Variants in CLDN16 observed in about 807,000 individuals in gnomAD.
CLDN16 encodes the protein claudin 16, also known as claudin-16.
In CLDN16, 13 loss-of-function variants were observed where a neutral mutation model predicts 24.6. The observed-to-expected ratio is 0.53, with a 90% CI of 0.34 to 0.84. The LOEUF is 0.84. Among genes scored for constraint, CLDN16 ranks in the 40% least tolerant of loss-of-function variants. The pLI is 0.01. For missense variants in CLDN16, 298 were observed against 292.7 expected (o/e 1.02, Z -0.13); for synonymous variants, 116 against 106.7 (o/e 1.09, Z -0.54).
intron 1 of CLDN16, among the ~76,000 whole-genome samples, chr3:190,333,987 A>T (rs1466517262): frequency 6.6e-6 from 1 of 152,036 alleles, no homozygotes; most frequent in Non-Finnish European, 1.5e-5. Context: ...AAAATTTGAG[A>T]CAAGGAGGAG....
At chr3:190,312,305 T>C in the CLDN16 span, among the ~76,000 whole-genome samples, 3 of 41,248 alleles carry the variant, frequency 7.3e-5, no homozygotes, top group South Asian at 1.7e-3. Flanking sequence ...ATTTCTGTAT[T>C]TTTTTTTTCC....
intron 1 of CLDN16, among the ~76,000 whole-genome samples, chr3:190,329,186 G>A (rs968690438): frequency 6.6e-6 from 1 of 152,164 alleles, no homozygotes; most frequent in Non-Finnish European, 1.5e-5. Flanking sequence ...ATAGTTTAGG[G>A]ATGGGTTGGT....
chr3:190,372,593 G>A (rs898187387), intron 2 of CLDN16, among the ~76,000 whole-genome samples: 1 of 151,932 alleles, frequency 6.6e-6, no homozygotes, highest in African/African-American at 2.4e-5. Flanking sequence ...GCAGTGAGCT[G>A]TGAATGTCCT....
At chr3:190,393,893 G>A (rs920149400) in intron 1 of CLDN16, among the ~76,000 whole-genome samples, 1 of 151,832 alleles carries the variant, frequency 6.6e-6, no homozygotes, top group Non-Finnish European at 1.5e-5. Context: ...CGGGACTACA[G>A]GCAAGCACCA....
chr3:190,299,536 T>C, the CLDN16 span, among the ~76,000 whole-genome samples: 1 of 128,368 alleles, frequency 7.8e-6, no homozygotes, highest in Non-Finnish European at 1.7e-5. Flanking sequence ...TTTATTCTTC[T>C]GTATTTTTTC....
At chr3:190,380,503 T>A (rs1718347443) in intron 3 of CLDN16, among the ~76,000 whole-genome samples, 1 of 151,946 alleles carries the variant, frequency 6.6e-6, no homozygotes, top group Non-Finnish European at 1.5e-5. Flanking sequence ...GCAGAAGAAA[T>A]TGCATAAATA....
intron 3 of CLDN16, among the ~76,000 whole-genome samples, chr3:190,380,867 C>T (rs906464670): frequency 6.6e-6 from 1 of 151,906 alleles, no homozygotes; most frequent in Non-Finnish European, 1.5e-5. Flanking sequence ...AGTTGCTTCC[C>T]CTTATTGAGA....
At chr3:190,296,598 G>A in the CLDN16 span, among the ~76,000 whole-genome samples, 1 of 146,882 alleles carries the variant, frequency 6.8e-6, no homozygotes, top group Non-Finnish European at 1.5e-5. Flanking sequence ...CGCCCAGGCT[G>A]GAGTGCAGTG....
rs1362786594 is a variant in CLDN16 at position 190,404,938 on chromosome 3, G to T, written c.382+12G>T. On this transcript the variant is annotated intron_variant, in intron 3 of 4. Coordinates refer to ENST00000264734, the MANE Select transcript of CLDN16 (RefSeq NM_006580.4). ...GTTACTAATAGCAGGTACCGGTCTG[G>T]CTGGACTAGCAACAGGGGTAGGGAG... The T allele has an allele frequency of 6.2e-7, 1 of 1,613,620 alleles. No homozygotes were observed. The highest frequency in any genetic ancestry group is 1.3e-5 in the African/African-American group (1 of 74,888).
chr3:190,378,989 TGA>T (rs1718300145), intron 3 of CLDN16, among the ~76,000 whole-genome samples: 1 of 152,098 alleles, frequency 6.6e-6, no homozygotes, highest in Non-Finnish European at 1.5e-5. Context: ...ATGATTAAAA[TGA>T]GGAATAATGA....
At chr3:190,370,933 T>C (rs1241076051) in exon 2 of CLDN16, 2 of 151,326 alleles carry the variant, frequency 1.3e-5, no homozygotes, top group Non-Finnish European at 3.0e-5. Context: ...AGTTCTTGAG[T>C]TTTGGGACTC....
upstream of CLDN16, among the ~76,000 whole-genome samples, chr3:190,320,827 A>C (rs1716898021): frequency 6.6e-6 from 1 of 152,216 alleles, no homozygotes; most frequent in Admixed American, 6.5e-5. Context: ...AAGTGAGTTA[A>C]AGGGCATAAC....
At chr3:190,409,592 A>C (rs2108521064) in intron 4 of CLDN16, among the ~76,000 whole-genome samples, 1 of 152,116 alleles carries the variant, frequency 6.6e-6, no homozygotes, top group Non-Finnish European at 1.5e-5. Context: ...CCAGCCAAAT[A>C]CTTCTTTTTA....
At chr3:190,380,349 A>G (rs1434860811) in intron 3 of CLDN16, among the ~76,000 whole-genome samples, 2 of 151,952 alleles carry the variant, frequency 1.3e-5, no homozygotes, top group Non-Finnish European at 2.9e-5. Context: ...GACATACTAA[A>G]CTATCCAGTT....
chr3:190,359,236 A>G (rs1410815479), intron 1 of CLDN16, among the ~76,000 whole-genome samples: 1 of 152,066 alleles, frequency 6.6e-6, no homozygotes, highest in Non-Finnish European at 1.5e-5. Flanking sequence ...GTTTTGATGA[A>G]CAAAAATTAT....
At chr3:190,354,923 T>G (rs987245494) in intron 1 of CLDN16, among the ~76,000 whole-genome samples, 7 of 152,144 alleles carry the variant, frequency 4.6e-5, no homozygotes, top group African/African-American at 1.7e-4. Flanking sequence ...GTAACTGTGT[T>G]TTTATACACC....
chr3:190,293,283 C>T, the CLDN16 span, among the ~76,000 whole-genome samples: 6 of 152,118 alleles, frequency 3.9e-5, no homozygotes, highest in Admixed American at 3.3e-4. Flanking sequence ...GGGGAACCAC[C>T]CCCATGATCC....
At chr3:190,400,979 T>C (rs1440056837) in intron 1 of CLDN16, among the ~76,000 whole-genome samples, 4 of 152,148 alleles carry the variant, frequency 2.6e-5, no homozygotes. Flanking sequence ...ATTTCCTCAT[T>C]TGTAAAATGG....
At chr3:190,389,284 CAA>C (rs2108658946) in intron 1 of CLDN16, among the ~76,000 whole-genome samples, 1 of 152,150 alleles carries the variant, frequency 6.6e-6, no homozygotes, top group African/African-American at 2.4e-5. Context: ...GAAAAAGAAA[CAA>C]TATTTCAAGA....
Sources: allele counts gnomAD v4.1 joint callset (sites outside exome capture counted in the v4.1 genomes callset), GRCh38; gene constraint gnomAD v4.1.1; transcripts MANE v1.5; gene names NCBI Gene and HGNC (gene_info 2026-07-23, HGNC 2026-07-21).